ARMC8: variants seen among roughly 807,000 people sequenced by gnomAD.
ARMC8 encodes the protein armadillo repeat-containing protein 8.
ARMC8 carries 20 observed loss-of-function variants against 99.3 expected under a neutral mutation model. The ratio of observed to expected loss-of-function variants is 0.20; its 90% confidence interval spans 0.14 to 0.29. The LOEUF (loss-of-function observed/expected upper bound fraction) is 0.29, where lower values mean the gene tolerates loss of function less well. Among genes scored for constraint, ARMC8 ranks in the 10% least tolerant of loss-of-function variants. The pLI is 1.00. For synonymous variants in ARMC8, 263 were observed against 278.3 expected, an observed-to-expected ratio of 0.95 and a Z score of 0.55; for missense variants, 569 against 809.5, an observed-to-expected ratio of 0.70 and a Z score of 3.60.
intron 18 of ARMC8, among the ~76,000 whole-genome samples, chr3:138,279,576 C>T (rs1054745066): frequency 7.9e-5 from 12 of 151,960 alleles, no homozygotes; most frequent in African/African-American, 9.7e-5. Context: ...TGGAGGTGTT[C>T]GCTCTTCAAT....
intron 1 of ARMC8, among the ~76,000 whole-genome samples, chr3:138,192,207 A>G (rs1044067169): frequency 1.3e-5 from 2 of 151,754 alleles, no homozygotes; most frequent in African/African-American, 4.8e-5. Context: ...GTAATATCTC[A>G]TCATGGTCTT....
chr3:138,294,023 C>A (rs569861222), intron 21 of ARMC8, among the ~76,000 whole-genome samples: 1 of 152,092 alleles, frequency 6.6e-6, no homozygotes, highest in African/African-American at 2.4e-5. Context: ...TAAAAAGACT[C>A]CTTAGATAAT....
At chr3:138,295,318 G>C (rs2051377914) in intron 21 of ARMC8, among the ~76,000 whole-genome samples, 1 of 152,156 alleles carries the variant, frequency 6.6e-6, no homozygotes, top group Admixed American at 6.5e-5. Flanking sequence ...AGATGAAATT[G>C]TAGCCTTCTT....
chr3:138,195,142 G>A (rs2043642788), intron 1 of ARMC8, among the ~76,000 whole-genome samples: 1 of 152,032 alleles, frequency 6.6e-6, no homozygotes, highest in South Asian at 2.1e-4. Context: ...GCCAGGCATG[G>A]TTGCAGGCGC....
At chr3:138,253,106 GA>G (rs916914552) in intron 12 of ARMC8, among the ~76,000 whole-genome samples, 3 of 151,160 alleles carry the variant, frequency 2.0e-5, no homozygotes, top group African/African-American at 4.9e-5. Flanking sequence ...ATGCTTGAGA[GA>G]AAAAAAAATC....
chr3:138,247,837 A>C (rs1321722872), intron 12 of ARMC8, among the ~76,000 whole-genome samples: 1 of 152,242 alleles, frequency 6.6e-6, no homozygotes, highest in African/African-American at 2.4e-5. Context: ...CCTGCTTTGA[A>C]GCAGTGTTGG....
chr3:138,284,945 A>G (rs2050264003), intron 19 of ARMC8, among the ~76,000 whole-genome samples: 1 of 152,168 alleles, frequency 6.6e-6, no homozygotes, highest in African/African-American at 2.4e-5. Context: ...CCATGGCCAT[A>G]TCCTGCATCT....
intron 1 of ARMC8, among the ~76,000 whole-genome samples, chr3:138,200,425 G>A (rs1387139672): frequency 2.0e-5 from 3 of 152,092 alleles, no homozygotes; most frequent in Non-Finnish European, 2.9e-5. Context: ...TTGGAAAATC[G>A]ATTGTACATT....
intron 12 of ARMC8, among the ~76,000 whole-genome samples, chr3:138,253,595 G>A (rs1023150063): frequency 3.9e-5 from 6 of 152,172 alleles, no homozygotes; most frequent in Non-Finnish European, 7.3e-5. Context: ...TTGGTATATA[G>A]CTTAATAGTT....
intron 19 of ARMC8, among the ~76,000 whole-genome samples, chr3:138,288,763 T>A (rs2050667406): frequency 6.6e-6 from 1 of 150,550 alleles, no homozygotes; most frequent in South Asian, 2.1e-4. Context: ...TCAGCCTCCC[T>A]AGTAGCTGAG....
intron 1 of ARMC8, among the ~76,000 whole-genome samples, chr3:138,203,247 G>A (rs1376361579): frequency 6.6e-6 from 1 of 152,150 alleles, no homozygotes; most frequent in African/African-American, 2.4e-5. Context: ...TCCTGATTTG[G>A]ATGATAAATT....
Position 138,231,789 on chromosome 3 carries a change from A to G in ARMC8, c.528+2779A>G, listed in dbSNP as rs186220903. 4.6e-3 allele frequency among the ~76,000 whole-genome samples: 599 copies of G among 129,248 alleles called. 4 individuals carry two copies. Among genetic ancestry groups the G allele is most frequent in the African/African-American group, 9.5e-3 (347 of 36,538 alleles). The allele number at this position is 129,248 out of a possible 152,430, so 84.8% of individuals were successfully genotyped here. ...TGAGACCCCCCATCTCTGGGGGGGG[A>G]AAAAAAAAAGACCATGAGGACTTAG... On this transcript the variant is annotated intron_variant, in intron 6 of 21. Transcript: ENST00000469044.
intron 1 of ARMC8, among the ~76,000 whole-genome samples, chr3:138,205,886 C>G (rs2044347126): frequency 6.6e-6 from 1 of 152,186 alleles, no homozygotes; most frequent in African/African-American, 2.4e-5. Context: ...AAAATCCTAA[C>G]AATGACCAAC....
At chr3:138,274,230 T>C (rs2108311735) in intron 17 of ARMC8, among the ~76,000 whole-genome samples, 1 of 143,356 alleles carries the variant, frequency 7.0e-6, no homozygotes, top group East Asian at 1.9e-4. Context: ...AATGTGTATA[T>C]ACATGTGTGT....
At chr3:138,276,823 A>G (rs1441630792) in intron 18 of ARMC8, among the ~76,000 whole-genome samples, 1 of 152,222 alleles carries the variant, frequency 6.6e-6, no homozygotes, top group African/African-American at 2.4e-5. Context: ...AAGTTGATTT[A>G]TAGATTAAGC....
At chr3:138,283,306 A>G (rs1343575615) in intron 18 of ARMC8, among the ~76,000 whole-genome samples, 1 of 152,208 alleles carries the variant, frequency 6.6e-6, no homozygotes, top group Non-Finnish European at 1.5e-5. Flanking sequence ...TTGCAAAGAA[A>G]AAGTTTAAAA....
At chr3:138,222,221 C>T (rs2045441019) in intron 3 of ARMC8, among the ~76,000 whole-genome samples, 1 of 152,156 alleles carries the variant, frequency 6.6e-6, no homozygotes, top group Non-Finnish European at 1.5e-5. Context: ...TTTGGAAACT[C>T]AGGAAGACCT....
At chr3:138,273,319 C>T (rs1482331810) in intron 17 of ARMC8, among the ~76,000 whole-genome samples, 3 of 152,202 alleles carry the variant, frequency 2.0e-5, no homozygotes, top group Non-Finnish European at 2.9e-5. Flanking sequence ...ACCCCCTATT[C>T]TCCACTCCTA....
At chr3:138,287,745 T>C in intron 19 of ARMC8, 4 of 456,024 alleles carry the variant, frequency 8.8e-6, no homozygotes, top group South Asian at 6.2e-5. Context: ...TCTGCTTAGT[T>C]GAAATATAGT....
Sources: allele counts gnomAD v4.1 joint callset (sites outside exome capture counted in the v4.1 genomes callset), GRCh38; gene constraint gnomAD v4.1.1; transcripts MANE v1.5; gene names NCBI Gene and HGNC (gene_info 2026-07-23, HGNC 2026-07-21).